PCCA: variants seen among roughly 807,000 people sequenced by gnomAD.
The protein encoded by PCCA is propionyl-CoA carboxylase alpha chain, mitochondrial.
In PCCA, 74 loss-of-function variants were observed where a neutral mutation model predicts 101.3. That is an observed-to-expected ratio of 0.73 (90% confidence interval 0.61 to 0.89). The LOEUF (loss-of-function observed/expected upper bound fraction) is 0.89, where lower values mean the gene tolerates loss of function less well. Ranked by LOEUF, PCCA falls within the 40% of genes least tolerant of loss-of-function variation. The pLI is 0.00. For missense variants in PCCA, 891 were observed against 907.0 expected, an observed-to-expected ratio of 0.98 and a Z score of 0.23; for synonymous variants, 294 against 313.6, an observed-to-expected ratio of 0.94 and a Z score of 0.66.
At chr13:100,433,799 A>C (rs1047570493) in intron 20 of PCCA, among the ~76,000 whole-genome samples, 1 of 152,226 alleles carries the variant, frequency 6.6e-6, no homozygotes, top group South Asian at 2.1e-4. Context: ...ACTCCTCCCC[A>C]TCATAAGGGT....
At chr13:100,210,842 T>A (rs1022753899) in intron 7 of PCCA, among the ~76,000 whole-genome samples, 2 of 152,212 alleles carry the variant, frequency 1.3e-5, no homozygotes, top group Non-Finnish European at 2.9e-5. Flanking sequence ...ACTTGCCCCC[T>A]AGTTAATAAA....
chr13:100,200,139 C>T (rs1390626259), intron 6 of PCCA, among the ~76,000 whole-genome samples: 1 of 152,100 alleles, frequency 6.6e-6, no homozygotes, highest in East Asian at 1.9e-4. Flanking sequence ...GAGTCTCACT[C>T]TGTCACCCAG....
intron 6 of PCCA, among the ~76,000 whole-genome samples, chr13:100,171,220 G>A (rs1043532774): frequency 2.0e-5 from 3 of 152,074 alleles, no homozygotes; most frequent in African/African-American, 7.2e-5. Flanking sequence ...CATTAAATGG[G>A]CTATTCTTTT....
At chr13:100,241,527 G>A (rs1227237229) in intron 8 of PCCA, among the ~76,000 whole-genome samples, 2 of 152,282 alleles carry the variant, frequency 1.3e-5, no homozygotes, top group African/African-American at 4.8e-5. Context: ...ATAGAGTGCA[G>A]TGGTGTGATC....
intron 18 of PCCA, among the ~76,000 whole-genome samples, chr13:100,354,233 C>A (rs1050319359): frequency 1.3e-5 from 2 of 150,228 alleles, no homozygotes; most frequent in African/African-American, 4.9e-5. Flanking sequence ...GAGCCAAGAT[C>A]ATGCCACTGC....
At chr13:100,399,326 A>C (rs1376187901) in intron 19 of PCCA, among the ~76,000 whole-genome samples, 1 of 152,118 alleles carries the variant, frequency 6.6e-6, no homozygotes, top group African/African-American at 2.4e-5. Context: ...TTGTAGATTA[A>C]ATTTTTCTTA....
chr13:100,185,423 C>T (rs1191682502), intron 6 of PCCA, among the ~76,000 whole-genome samples: 2 of 151,818 alleles, frequency 1.3e-5, no homozygotes, highest in Non-Finnish European at 2.9e-5. Context: ...GATCATGGCT[C>T]ACTGCAGCCT....
At chr13:100,500,989 A>G (rs1352472186) in intron 21 of PCCA, among the ~76,000 whole-genome samples, 1 of 152,116 alleles carries the variant, frequency 6.6e-6, no homozygotes, top group African/African-American at 2.4e-5. Flanking sequence ...TAAAAATACA[A>G]AAATTAGCCG....
intron 19 of PCCA, among the ~76,000 whole-genome samples, chr13:100,376,969 T>C (rs1278334161): frequency 1.3e-5 from 2 of 152,186 alleles, no homozygotes; most frequent in Non-Finnish European, 2.9e-5. Context: ...TCTGCGGGGT[T>C]GTGAAGACCG....
intron 2 of PCCA, among the ~76,000 whole-genome samples, chr13:100,103,200 T>A (rs2047432319): frequency 6.6e-6 from 1 of 152,178 alleles, no homozygotes; most frequent in Admixed American, 6.5e-5. Context: ...TTGAATGCAT[T>A]TACAATGTGT....
chr13:100,501,264 A>G (rs904592173), intron 21 of PCCA, among the ~76,000 whole-genome samples: 1 of 152,236 alleles, frequency 6.6e-6, no homozygotes, highest in African/African-American at 2.4e-5. Context: ...AATTTGTGAC[A>G]TGCATAGATT....
chr13:100,516,304 G>A (rs2086825374), intron 22 of PCCA, among the ~76,000 whole-genome samples: 1 of 152,328 alleles, frequency 6.6e-6, no homozygotes, highest in Middle Eastern at 3.4e-3. Flanking sequence ...GGACATGACT[G>A]TCTCTCATGG....
chr13:100,098,221 G>A (rs1477403802), intron 1 of PCCA, among the ~76,000 whole-genome samples: 1 of 151,984 alleles, frequency 6.6e-6, no homozygotes, highest in Non-Finnish European at 1.5e-5. Context: ...AACAAAAAAA[G>A]TAAAATAAGG....
chr13:100,281,118 A>G (rs1387418119), intron 12 of PCCA, among the ~76,000 whole-genome samples: 3 of 152,216 alleles, frequency 2.0e-5, no homozygotes, highest in Non-Finnish European at 4.4e-5. Context: ...GCCCCAGCAT[A>G]CAAGAGTAGT....
At chr13:100,516,736 C>CGTGT (rs3840000) in intron 22 of PCCA, among the ~76,000 whole-genome samples, 17,425 of 144,918 alleles carry the variant, frequency 0.12, 1,326 homozygotes, top group East Asian at 0.23. Context: ...AGAAAAATTA[C>CGTGT]GTGTGTGTGT....
intron 13 of PCCA, among the ~76,000 whole-genome samples, 158 bp downstream of exon 13, chr13:100,301,761 AC>A (rs2066079744): frequency 6.6e-6 from 1 of 152,348 alleles, no homozygotes; most frequent in East Asian, 1.9e-4. Context: ...GATAATTTTG[AC>A]CTAATTCCAG....
intron 19 of PCCA, among the ~76,000 whole-genome samples, chr13:100,381,388 CAAAAA>C (rs984112724): frequency 1.6e-5 from 1 of 61,432 alleles, no homozygotes; most frequent in Non-Finnish European, 3.5e-5. Flanking sequence ...GACTCCGTCT[CAAAAA>C]AAAAAAAAAA....
chr13:100,354,074 A>AAATAATAATAATAATAAT (rs35218503), intron 18 of PCCA, among the ~76,000 whole-genome samples: 19 of 129,142 alleles, frequency 1.5e-4, no homozygotes, highest in East Asian at 2.3e-4. Flanking sequence ...CCATCTCTAC[A>AAATAATAATAATAATAAT]AATAATAATA....
chr13:100,269,474 G>C (rs913664980), intron 11 of PCCA, among the ~76,000 whole-genome samples: 2 of 152,124 alleles, frequency 1.3e-5, no homozygotes, highest in East Asian at 1.9e-4. Flanking sequence ...ACCATGAAAG[G>C]CTTCTGGAGT....
Sources: gnomAD v4.1 joint callset for allele counts (sites outside exome capture counted in the v4.1 genomes callset) on GRCh38, gnomAD v4.1.1 for gene constraint, MANE v1.5 for transcripts, NCBI Gene and HGNC (gene_info 2026-07-23, HGNC 2026-07-21) for gene names.